Variants in GNAQ observed in about 807,000 individuals in gnomAD.
GNAQ encodes G protein subunit alpha q, also known as guanine nucleotide-binding protein G(q) subunit alpha.
Under a neutral mutation model 43.9 loss-of-function variants are expected in GNAQ, and 8 were observed. The ratio of observed to expected loss-of-function variants is 0.18; its 90% CI spans 0.11 to 0.33. GNAQ has a LOEUF of 0.33. Among genes scored for constraint, GNAQ ranks in the 10% least tolerant of loss-of-function variants. GNAQ has a pLI of 1.00. For synonymous variants in GNAQ, 155 were observed against 170.7 expected (o/e 0.91, Z 0.71); for missense variants, 158 against 450.8 (o/e 0.35, Z 5.88).
intron 2 of GNAQ, among the ~76,000 whole-genome samples, chr9:77,907,420 T>C (rs2118189471): frequency 6.6e-6 from 1 of 152,280 alleles, no homozygotes; most frequent in South Asian, 2.1e-4. Context: ...TATATGAGCT[T>C]TCCTATAGAA....
intron 5 of GNAQ, among the ~76,000 whole-genome samples, chr9:77,745,319 A>G (rs893694729): frequency 1.3e-5 from 2 of 152,208 alleles, no homozygotes; most frequent in Non-Finnish European, 2.9e-5. Context: ...TCAGTGCTGT[A>G]AAACACCTAG....
At chr9:78,010,060 G>A (rs1209855452) in intron 1 of GNAQ, among the ~76,000 whole-genome samples, 1 of 152,150 alleles carries the variant, frequency 6.6e-6, no homozygotes, top group African/African-American at 2.4e-5. Flanking sequence ...AGAGTCACAC[G>A]AATGTCAGGG....
intron 2 of GNAQ, among the ~76,000 whole-genome samples, chr9:77,846,890 G>A (rs1442588981): frequency 6.6e-6 from 1 of 152,174 alleles, no homozygotes; most frequent in Non-Finnish European, 1.5e-5. Context: ...AGATGAGGAA[G>A]CTGAGGCTCA....
chr9:77,896,828 C>T (rs1442246709), intron 2 of GNAQ, among the ~76,000 whole-genome samples: 1 of 152,204 alleles, frequency 6.6e-6, no homozygotes. Context: ...ATTTACTATG[C>T]ACTTCAGAAC....
chr9:77,865,576 A>G (rs566445664), intron 2 of GNAQ, among the ~76,000 whole-genome samples: 152 of 152,200 alleles, frequency 1.0e-3, no homozygotes, highest in Non-Finnish European at 1.4e-3. Flanking sequence ...TAATTGCTGG[A>G]GAGAGGTGGC....
chr9:77,757,431 A>C (rs1312621611), intron 5 of GNAQ, among the ~76,000 whole-genome samples: 1 of 152,270 alleles, frequency 6.6e-6, no homozygotes, highest in South Asian at 2.1e-4. Context: ...ATTACGCTCA[A>C]ATTGACTAAG....
chr9:77,898,759 C>T (rs1373266321), intron 2 of GNAQ, among the ~76,000 whole-genome samples: 1 of 151,678 alleles, frequency 6.6e-6, no homozygotes, highest in East Asian at 1.9e-4. Context: ...GATTCTACAA[C>T]TCAGAAATAA....
intron 5 of GNAQ, among the ~76,000 whole-genome samples, chr9:77,761,969 G>T (rs1826038380): frequency 7.3e-6 from 1 of 136,710 alleles, no homozygotes; most frequent in Admixed American, 7.1e-5. Flanking sequence ...CCCCCGCCCG[G>T]CCAGCCGCCC....
At chr9:77,786,291 T>C (rs1587915994) in intron 5 of GNAQ, among the ~76,000 whole-genome samples, 2 of 140,876 alleles carry the variant, frequency 1.4e-5, no homozygotes, top group Admixed American at 1.5e-4. Flanking sequence ...GGCAGGAGAA[T>C]GGCGTGAACC....
At chr9:77,792,509 A>G (rs1464034613) in intron 5 of GNAQ, among the ~76,000 whole-genome samples, 2 of 152,114 alleles carry the variant, frequency 1.3e-5, no homozygotes, top group Non-Finnish European at 2.9e-5. Context: ...ACTATTAGCT[A>G]TGTCTGAGGA....
At chr9:77,732,267 C>T (rs1357587068) in intron 5 of GNAQ, among the ~76,000 whole-genome samples, 1 of 152,092 alleles carries the variant, frequency 6.6e-6, no homozygotes, top group Non-Finnish European at 1.5e-5. Context: ...ACTCTGAAGA[C>T]AGGTTTAAAG....
intron 1 of GNAQ, among the ~76,000 whole-genome samples, chr9:77,925,808 T>A (rs781332696): frequency 6.6e-6 from 1 of 152,218 alleles, no homozygotes; most frequent in Admixed American, 6.5e-5. Context: ...CCACAAGGGA[T>A]TGGTTCCAGG....
At chr9:77,873,403 A>G (rs1828074925) in intron 2 of GNAQ, among the ~76,000 whole-genome samples, 1 of 152,206 alleles carries the variant, frequency 6.6e-6, no homozygotes, top group Non-Finnish European at 1.5e-5. Flanking sequence ...TTTGTTTTAT[A>G]TTTACTTGCA....
chr9:77,936,712 C>T (rs572617366), intron 1 of GNAQ, among the ~76,000 whole-genome samples: 7 of 152,276 alleles, frequency 4.6e-5, no homozygotes, highest in East Asian at 1.9e-4. Context: ...CCCATACCCC[C>T]GCACTCACAC....
At chr9:77,976,478 C>T (rs1057237245) in intron 1 of GNAQ, among the ~76,000 whole-genome samples, 7 of 152,200 alleles carry the variant, frequency 4.6e-5, no homozygotes, top group Non-Finnish European at 1.0e-4. Flanking sequence ...GTGCAACCTC[C>T]GCCTCCCAGG....
chr9:77,731,460 TACCTCCATTC>T (rs1034858570), intron 5 of GNAQ, among the ~76,000 whole-genome samples: 7 of 152,164 alleles, frequency 4.6e-5, no homozygotes, highest in Admixed American at 3.3e-4. Context: ...CTCAAGGACA[TACCTCCATTC>T]ACCAGGTGCC....
At chr9:77,886,269 G>A (rs1326563318) in intron 2 of GNAQ, among the ~76,000 whole-genome samples, 3 of 151,754 alleles carry the variant, frequency 2.0e-5, no homozygotes, top group Admixed American at 6.6e-5. Context: ...CACCACGCCC[G>A]GTCACAGCCA....
At chr9:77,955,253 C>T (rs1190533198) in intron 1 of GNAQ, among the ~76,000 whole-genome samples, 4 of 152,180 alleles carry the variant, frequency 2.6e-5, no homozygotes, top group Non-Finnish European at 5.9e-5. Flanking sequence ...AGCAATTCTT[C>T]CGCCTCAGCC....
intron 5 of GNAQ, among the ~76,000 whole-genome samples, chr9:77,762,144 G>T (rs1294015779): frequency 7.3e-6 from 1 of 136,708 alleles, no homozygotes; most frequent in African/African-American, 2.8e-5. Context: ...CCCCTGCCCG[G>T]CCAGCCGCCC....
Sources: gnomAD v4.1 joint callset for allele counts (sites outside exome capture counted in the v4.1 genomes callset) on GRCh38, gnomAD v4.1.1 for gene constraint, MANE v1.5 for transcripts, NCBI Gene and HGNC (gene_info 2026-07-23, HGNC 2026-07-21) for gene names.